Variants in DCAF5 observed in about 807,000 individuals in gnomAD.
DCAF5 encodes DDB1 and CUL4 associated factor 5.
Under a neutral mutation model 80.7 loss-of-function variants are expected in DCAF5, and 9 were observed. The ratio of observed to expected loss-of-function variants is 0.11; its 90% CI spans 0.07 to 0.19. The LOEUF is 0.19. DCAF5 is among the 10% of genes least tolerant of loss of function. DCAF5 has a pLI of 1.00. For missense variants in DCAF5, 842 were observed against 1,205.7 expected, an observed-to-expected ratio of 0.70 and a Z score of 4.47; for synonymous variants, 433 against 461.9, an observed-to-expected ratio of 0.94 and a Z score of 0.80.
At chr14:69,144,311 G>A (rs768028236) in intron 1 of DCAF5, among the ~76,000 whole-genome samples, 1 of 151,518 alleles carries the variant, frequency 6.6e-6, no homozygotes, top group South Asian at 2.1e-4. Context: ...GGTGGCTCAC[G>A]CCTGTAATCA....
intron 7 of DCAF5, among the ~76,000 whole-genome samples, chr14:69,070,922 C>G (rs190859548): frequency 6.6e-6 from 1 of 151,954 alleles, no homozygotes; most frequent in Non-Finnish European, 1.5e-5. Flanking sequence ...CACAGCCTCC[C>G]GAGTAGCTGG....
In DCAF5 at chr14:69,116,512, T is replaced by C. The variant is rs369248320; in HGVS notation, c.536-17A>G. 1.4e-5 allele frequency: 23 copies of C among 1,610,926 alleles called. No homozygotes were observed. In the African/African-American group the frequency reaches 1.6e-4, roughly 11 times the overall value. ...AGAAGGGCTCTGTGGAAAGAAAAAT[T>C]ATAATCAGTTCACTCCAGGTACCTG... On this transcript the variant is annotated splice_polypyrimidine_tract_variant and intron_variant, in intron 4 of 8. Transcript: ENST00000341516.
At chr14:69,120,907 G>C (rs1420576180) in intron 2 of DCAF5, among the ~76,000 whole-genome samples, 1 of 152,214 alleles carries the variant, frequency 6.6e-6, no homozygotes, top group Non-Finnish European at 1.5e-5. Context: ...TAGCTATGGG[G>C]TCAATTATTT....
In DCAF5 at chr14:69,094,888, A is replaced by AG. The variant is rs528135841; in HGVS notation, c.666-3002dup. 3.2e-4 allele frequency among the ~76,000 whole-genome samples: 49 copies of AG among 152,326 alleles called. No individual in the cohort carries two copies. The East Asian group carries it at 9.2e-3, about 29-fold the overall frequency. On this transcript the variant is annotated intron_variant, in intron 5 of 8. Transcript: ENST00000341516. ...GTATCTGAATTTAACCAGCAACACC[A>AG]GTTAATTGTGATACAGGTAGCTTTC...
At chr14:69,065,915 G>A (rs2038418754) in intron 7 of DCAF5, among the ~76,000 whole-genome samples, 2 of 152,142 alleles carry the variant, frequency 1.3e-5, no homozygotes, top group Admixed American at 6.5e-5. Flanking sequence ...CATCTCTTAA[G>A]ACTGTGGGTA....
chr14:69,109,305 C>G (rs1566762363), intron 5 of DCAF5, among the ~76,000 whole-genome samples: 1 of 150,410 alleles, frequency 6.6e-6, no homozygotes, highest in Non-Finnish European at 1.5e-5. Context: ...GATCGCGCCA[C>G]TCTAGCCTGG....
Position 69,118,299 on chromosome 14 carries a change from A to T in DCAF5, c.396-21T>A. 6.2e-7 allele frequency: 1 copy of T among 1,612,848 alleles called. No homozygotes were observed. On this transcript the variant is annotated intron_variant, in intron 3 of 8. Coordinates refer to ENST00000341516, the MANE Select transcript of DCAF5 (RefSeq NM_003861.3). The surrounding 1 kb of genome is among the most constrained non-coding windows in gnomAD (Gnocchi z 4.0). The stretch of plus-strand genomic sequence containing the variant: ...CACTGCTGGGAGATAAGAGAGCAAG[A>T]CAGAGGCACACACATACACACAAGC...
rs911338117 is a variant in DCAF5 at position 69,153,002 on chromosome 14, T to C, written c.-24A>G. 3.3e-6 allele frequency: 5 copies of C among 1,527,914 alleles called. No homozygotes were observed. In the African/African-American group the frequency reaches 7.2e-5, roughly 22 times the overall value. 94.6% of individuals were successfully genotyped at this position (1,527,914 alleles called of 1,614,324 possible). On this transcript the variant is annotated 5_prime_UTR_variant, in exon 1 of 9. Transcript: ENST00000341516. ...ATGCTGGAACCGCCGCCGCCGCCGC[T>C]CGCGCCGCCGCCCCTCCCTCGGCCT... is the stretch of plus-strand genomic sequence containing the variant.
At chr14:69,146,253 T>C (rs149598185) in intron 1 of DCAF5, among the ~76,000 whole-genome samples, 11 of 152,316 alleles carry the variant, frequency 7.2e-5, no homozygotes, top group African/African-American at 2.6e-4. Flanking sequence ...GGACAACTTT[T>C]TGATGTATTA....
intron 1 of DCAF5, among the ~76,000 whole-genome samples, chr14:69,141,308 C>T (rs904866677): frequency 2.2e-4 from 33 of 151,720 alleles, no homozygotes; most frequent in African/African-American, 6.5e-4. Context: ...TAATTATAAG[C>T]AGGTGACCAT....
chr14:69,152,705 CGA>C lies in DCAF5; in HGVS notation c.214+58_214+59del, dbSNP rs1260172764. 1.6e-6 allele frequency: 2 copies of C among 1,258,734 alleles called. No homozygotes were observed. Among genetic ancestry groups the C allele is most frequent in the Non-Finnish European group, 1.1e-6 (1 of 927,536 alleles). 78.0% of individuals were successfully genotyped at this position (1,258,734 alleles called of 1,614,324 possible). A position where few individuals can be genotyped will look rare whatever the true frequency, so the allele number is the denominator to read the frequency against. ...GCAGGAGGAGGGTGACGGGGGAGAGCGAGAGGGGGAGGCTGGGAGGGTGCGGG... is the reference window on the plus strand; with the variant it reads ...GCAGGAGGAGGGTGACGGGGGAGAGCGAGGGGGAGGCTGGGAGGGTGCGGG... On this transcript the variant is annotated intron_variant, in intron 1 of 8. Coordinates refer to ENST00000341516, the MANE Select transcript of DCAF5 (RefSeq NM_003861.3). The surrounding 1 kb of genome is among the most constrained non-coding windows in gnomAD (Gnocchi z 4.1).
intron 4 of DCAF5, among the ~76,000 whole-genome samples, chr14:69,117,451 G>A (rs529455103): frequency 1.3e-5 from 2 of 152,242 alleles, no homozygotes; most frequent in South Asian, 4.1e-4. Context: ...AGTAAATTTA[G>A]GTACACAGCT....
intron 7 of DCAF5, among the ~76,000 whole-genome samples, chr14:69,071,587 G>A: frequency 7.1e-6 from 1 of 140,414 alleles, no homozygotes; most frequent in African/African-American, 2.6e-5. Flanking sequence ...GAATATGAGA[G>A]AGAAAGAGGG....
intron 1 of DCAF5, among the ~76,000 whole-genome samples, chr14:69,134,569 GAAT>G (rs775224716): frequency 2.4e-4 from 36 of 152,306 alleles, no homozygotes; most frequent in Non-Finnish European, 4.9e-4. Context: ...GTTAACTAGG[GAAT>G]AATCTCAAGA....
rs1566797729 is a variant in DCAF5 at position 69,152,188 on chromosome 14, G to C, written c.214+577C>G. On this transcript the variant is annotated intron_variant, in intron 1 of 8. Coordinates refer to ENST00000341516, the MANE Select transcript of DCAF5 (RefSeq NM_003861.3). This position sits in a 1 kb window ranked among gnomAD's most constrained non-coding sequence, Gnocchi z 4.1. ...GTGCTGGGCCTCTAAGAGCGCCGAG[G>C]GGGGCGGCCCACAGCGACCCTACCG... is the stretch of plus-strand genomic sequence containing the variant. Among the ~76,000 whole-genome samples the C allele has an allele frequency of 6.6e-6, 1 of 152,178 alleles. No individual in the cohort carries two copies. Among genetic ancestry groups the C allele is most frequent in the South Asian group, 2.1e-4 (1 of 4,836 alleles).
intron 1 of DCAF5, among the ~76,000 whole-genome samples, chr14:69,143,090 G>T (rs937339240): frequency 1.3e-5 from 2 of 152,152 alleles, no homozygotes; most frequent in Non-Finnish European, 1.5e-5. Context: ...ATCTGCTTGA[G>T]AAGTAAGTAC....
In DCAF5 at chr14:69,152,696, G is replaced by A. The variant is rs565216828; in HGVS notation, c.214+69C>T. ...GGACAGAGGGCAGGAGGAGGGTGAC[G>A]GGGGAGAGCGAGAGGGGGAGGCTGG... is the stretch of plus-strand genomic sequence containing the variant. On this transcript the variant is annotated intron_variant, in intron 1 of 8. Coordinates refer to ENST00000341516, the MANE Select transcript of DCAF5 (RefSeq NM_003861.3). The surrounding 1 kb of genome is among the most constrained non-coding windows in gnomAD (Gnocchi z 4.1). The A allele has an allele frequency of 3.0e-4, 363 of 1,216,830 alleles. 2 individuals are homozygous for A. The African/African-American group carries it at 5.0e-3, about 17-fold the overall frequency. The allele number at this position is 1,216,830 out of a possible 1,614,324, so 75.4% of individuals were successfully genotyped here.
At chr14:69,126,122 A>C (rs1341418603) in intron 1 of DCAF5, among the ~76,000 whole-genome samples, 1 of 152,096 alleles carries the variant, frequency 6.6e-6, no homozygotes, top group Non-Finnish European at 1.5e-5. Context: ...TCTAATGAAC[A>C]AAATCAAAGA....
At chr14:69,119,640 A>G (rs887764220) in intron 2 of DCAF5, among the ~76,000 whole-genome samples, 1 of 151,716 alleles carries the variant, frequency 6.6e-6, no homozygotes, top group African/African-American at 2.4e-5. Context: ...GCTTGAGGTC[A>G]GGAGTTCAAG....
Sources: gnomAD v4.1 joint callset for allele counts (sites outside exome capture counted in the v4.1 genomes callset) on GRCh38, gnomAD v4.1.1 for gene constraint, Gnocchi (gnomAD v3.1) non-coding constraint, MANE v1.5 for transcripts, NCBI Gene and HGNC (gene_info 2026-07-23, HGNC 2026-07-21) for gene names.